The following MED27 variants were observed in gnomAD, a reference collection of about 807,000 sequenced individuals.
MED27 encodes the protein mediator of RNA polymerase II transcription subunit 27.
A neutral mutation model predicts 38.2 loss-of-function variants in MED27; 30 were observed. The observed-to-expected ratio is 0.79, with a 90% CI of 0.59 to 1.07. The LOEUF is 1.07. Ranked by LOEUF, MED27 falls within the 50% of genes least tolerant of loss-of-function variation. The pLI is 0.00. For missense variants in MED27, 289 were observed against 397.5 expected (o/e 0.73, Z 2.32); for synonymous variants, 122 against 153.5 (o/e 0.79, Z 1.52).
intron 4 of MED27, among the ~76,000 whole-genome samples, chr9:131,937,143 C>T (rs1369333022): frequency 2.0e-5 from 3 of 152,210 alleles, no homozygotes; most frequent in East Asian, 1.9e-4. Flanking sequence ...CCATCACCCA[C>T]CTCACGATGG....
At chr9:131,868,851 CA>C in intron 6 of MED27, 1 of 985,484 alleles carries the variant, frequency 1.0e-6, no homozygotes. Context: ...GGGAGATTCA[CA>C]AATGTGCCTG....
chr9:132,040,986 G>A (rs1330513784), intron 2 of MED27, among the ~76,000 whole-genome samples: 5 of 152,192 alleles, frequency 3.3e-5, no homozygotes, highest in Admixed American at 2.0e-4. Context: ...GAGGCAAGGC[G>A]TACAATTTAT....
chr9:132,014,470 G>A lies in MED27; in HGVS notation c.349-3C>T, dbSNP rs776873191. 1.9e-6 allele frequency: 3 copies of A among 1,610,042 alleles called. No homozygotes were observed. The highest frequency in any genetic ancestry group is 2.5e-6 in the Non-Finnish European group (3 of 1,178,540). On this transcript the variant is annotated splice_polypyrimidine_tract_variant and splice_region_variant and intron_variant, in intron 2 of 7. Coordinates refer to ENST00000292035, the MANE Select transcript of MED27 (RefSeq NM_004269.4). ...GCTAGTCCTGCATGGTACTGCAACT[G>A]CAGAGAAAAACAAAACAAAAGGGGA...
At chr9:131,901,425 A>G (rs1829946644) in intron 4 of MED27, among the ~76,000 whole-genome samples, 1 of 152,222 alleles carries the variant, frequency 6.6e-6, no homozygotes, top group South Asian at 2.1e-4. Context: ...GTTAAGAAGT[A>G]TCAAATGTGG....
At chr9:131,932,442 T>C (rs1830608964) in intron 4 of MED27, among the ~76,000 whole-genome samples, 1 of 149,110 alleles carries the variant, frequency 6.7e-6, no homozygotes, top group East Asian at 1.9e-4. Context: ...ACATTACAAC[T>C]GATACTATAG....
At chr9:131,949,882 CAATT>C in intron 3 of MED27, among the ~76,000 whole-genome samples, 1 of 152,106 alleles carries the variant, frequency 6.6e-6, no homozygotes, top group East Asian at 1.9e-4. Flanking sequence ...TTGTGACTCT[CAATT>C]AATGTGCAAA....
intron 3 of MED27, among the ~76,000 whole-genome samples, chr9:131,978,098 A>G (rs1051782492): frequency 1.3e-5 from 2 of 152,220 alleles, no homozygotes; most frequent in Non-Finnish European, 2.9e-5. Context: ...AAACAAGCAA[A>G]TCAAACATGA....
At chr9:131,993,609 C>G (rs994661900) in intron 3 of MED27, among the ~76,000 whole-genome samples, 2 of 152,188 alleles carry the variant, frequency 1.3e-5, no homozygotes, top group Non-Finnish European at 2.9e-5. Context: ...ATAAATGGAG[C>G]CCTGGCCAAG....
chr9:132,038,265 C>T (rs2131114629), intron 2 of MED27, among the ~76,000 whole-genome samples: 1 of 143,920 alleles, frequency 6.9e-6, no homozygotes, highest in Non-Finnish European at 1.5e-5. Flanking sequence ...GATCTCGGCT[C>T]ACTGCAAGCT....
chr9:131,918,724 T>A (rs1340448046), intron 4 of MED27, among the ~76,000 whole-genome samples: 1 of 152,078 alleles, frequency 6.6e-6, no homozygotes, highest in Non-Finnish European at 1.5e-5. Context: ...AACAGTAGGA[T>A]CTCTCCCACT....
intron 3 of MED27, among the ~76,000 whole-genome samples, chr9:131,957,912 A>G (rs1054395899): frequency 6.0e-5 from 9 of 150,802 alleles, no homozygotes; most frequent in Non-Finnish European, 1.0e-4. Context: ...AAAAAAAAAA[A>G]GAAAGAAAAA....
At chr9:131,888,767 C>T (rs1450331857) in intron 5 of MED27, among the ~76,000 whole-genome samples, 1 of 152,144 alleles carries the variant, frequency 6.6e-6, no homozygotes, top group Non-Finnish European at 1.5e-5. Context: ...TGTTGTTACC[C>T]ACATTTTCCA....
rs905583457 is a variant in MED27 at position 132,074,807 on chromosome 9, A to G, written c.348+2635T>C. Among the ~76,000 whole-genome samples, 196 of 152,240 alleles carry G rather than the reference A, an allele frequency of 1.3e-3. 2 individuals are homozygous for G. The highest frequency in any genetic ancestry group is 8.8e-5 in the Non-Finnish European group (6 of 68,048). ...CTTTAAATCCCTTCTAGAAAAAGGT[A>G]AGGTATAAATAAGTAATAGTCACAT... is the stretch of plus-strand genomic sequence containing the variant. On this transcript the variant is annotated intron_variant, in intron 2 of 7. Transcript: ENST00000292035.
rs1032273163 is a variant in MED27 at position 131,889,378 on chromosome 9, C to T, written c.681+4507G>A. ...CCTAAATCCCCCAAAAAGTTAAATT[C>T]GAACGAGACACATTTTTTTTTCAGT... is the stretch of plus-strand genomic sequence containing the variant. On this transcript the variant is annotated intron_variant, in intron 5 of 7. Transcript: ENST00000292035. This position sits in a 1 kb window ranked among gnomAD's most constrained non-coding sequence, Gnocchi z 4.2. 6.6e-6 allele frequency among the ~76,000 whole-genome samples: 1 copy of T among 152,122 alleles called. No individual in the cohort carries two copies. Among genetic ancestry groups the T allele is most frequent in the Non-Finnish European group, 1.5e-5 (1 of 68,030 alleles).
At chr9:132,029,949 C>T (rs1832918243) in intron 2 of MED27, among the ~76,000 whole-genome samples, 1 of 152,102 alleles carries the variant, frequency 6.6e-6, no homozygotes, top group South Asian at 2.1e-4. Context: ...TGAACTGCTA[C>T]TAGAGTGGCA....
intron 3 of MED27, among the ~76,000 whole-genome samples, chr9:131,947,833 TAA>T (rs1830913416): frequency 6.6e-6 from 1 of 152,176 alleles, no homozygotes; most frequent in African/African-American, 2.4e-5. Context: ...GTACAAAATC[TAA>T]AAGTTAGGAA....
chr9:131,860,193 T>C lies in MED27; in HGVS notation c.*345A>G, dbSNP rs2281998. 0.08 allele frequency: 17,899 copies of C among 224,920 alleles called. 1,796 individuals are homozygous for C. The highest frequency in any genetic ancestry group is 0.41 in the East Asian group (4,229 of 10,194). The allele number at this position is 224,920 out of a possible 1,614,324, so 13.9% of individuals were successfully genotyped here. A position where few individuals can be genotyped will look rare whatever the true frequency, so the allele number is the denominator to read the frequency against. On this transcript the variant is annotated 3_prime_UTR_variant, in exon 8 of 8. Transcript: ENST00000292035. The surrounding 1 kb of genome is among the most constrained non-coding windows in gnomAD (Gnocchi z 5.8). ...AAAACACAAGAACCCCGCATGACGA[T>C]ACCCATGAACACAAGGGCTCATTCC... is the stretch of plus-strand genomic sequence containing the variant.
intron 6 of MED27, among the ~76,000 whole-genome samples, chr9:131,865,672 G>C (rs185275118): frequency 6.6e-6 from 1 of 152,194 alleles, no homozygotes; most frequent in South Asian, 2.1e-4. Flanking sequence ...CGATAGGAAC[G>C]TCAGTCCCTG....
chr9:131,908,212 A>G (rs1830111829), intron 4 of MED27, among the ~76,000 whole-genome samples: 1 of 140,494 alleles, frequency 7.1e-6, no homozygotes, highest in Non-Finnish European at 1.5e-5. Flanking sequence ...GGAAGTGAGG[A>G]GCCCCTCTGC....
Sources: allele counts gnomAD v4.1 joint callset (sites outside exome capture counted in the v4.1 genomes callset), GRCh38; gene constraint gnomAD v4.1.1; non-coding constraint Gnocchi (gnomAD v3.1); transcripts MANE v1.5; gene names NCBI Gene and HGNC (gene_info 2026-07-23, HGNC 2026-07-21).